The following KRT12 variants were observed in gnomAD, a reference collection of about 807,000 sequenced individuals.
The protein encoded by KRT12 is keratin 12, also known as keratin, type I cytoskeletal 12.
Under a neutral mutation model 50.2 loss-of-function variants are expected in KRT12, and 43 were observed. The observed-to-expected ratio is 0.86, with a 90% confidence interval of 0.67 to 1.11. The LOEUF (loss-of-function observed/expected upper bound fraction) is 1.11. Among genes scored for constraint, KRT12 ranks in the 50% least tolerant of loss-of-function variants. The pLI, the probability that KRT12 is intolerant of heterozygous loss-of-function variation, is 0.00. For synonymous variants in KRT12, 257 were observed against 253.6 expected (o/e 1.01, Z -0.13); for missense variants, 588 against 625.6 (o/e 0.94, Z 0.64).
rs370586525 is a variant in KRT12 at position 40,866,884 on chromosome 17, A to G, written c.303T>C (p.Phe101=). Residue 101 remains phenylalanine, a synonymous_variant, in exon 1 of 8, where the codon TTT becomes TTC. Transcript: ENST00000251643. ...GAGAGCCACCTCCTGGGCTGCCCCCAAATCCCATCCCCAGCCCTCCAAAGC... is the reference window on the plus strand; with the variant it reads ...GAGAGCCACCTCCTGGGCTGCCCCCGAATCCCATCCCCAGCCCTCCAAAGC... ...GGSFGGLGMG[F]GGSPGGGSLG... 5 of 1,613,910 alleles carry G rather than the reference A, an allele frequency of 3.1e-6. No homozygotes were observed. Among genetic ancestry groups the G allele is most frequent in the Non-Finnish European group, 4.2e-6 (5 of 1,179,992 alleles).
intron 1 of KRT12, 147 bp from the exon 2 acceptor site, chr17:40,866,384 C>T (rs1907023134): frequency 7.9e-6 from 6 of 756,100 alleles, no homozygotes; most frequent in South Asian, 7.7e-5. Flanking sequence ...AAGACAATAT[C>T]TGTATAAAAT....
Position 40,863,135 on chromosome 17 carries a change from C to T in KRT12, c.1304G>A (p.Gly435Glu). The T allele has an allele frequency of 1.9e-6, 3 of 1,614,060 alleles. No homozygotes were observed. Among genetic ancestry groups the T allele is most frequent in the South Asian group, 2.2e-5 (2 of 91,080 alleles). ...EIETYRRLLD[G>E]EAQGDGLEES... ...GTTGTCTGCTCACCCTTGGGCCTCCCCGTCCAGCAGGCGGCGGTAGGTCTC... is the reference window on the plus strand; with the variant it reads ...GTTGTCTGCTCACCCTTGGGCCTCCTCGTCCAGCAGGCGGCGGTAGGTCTC... Residue 435 changes from glycine (G) to glutamate (E), a missense_variant, in exon 6 of 8, where the codon GGG becomes GAG. Transcript: ENST00000251643. This position sits in a 1 kb window ranked among gnomAD's most constrained non-coding sequence, Gnocchi z 4.2.
In KRT12 at chr17:40,863,633, G is replaced by C. The variant is rs747289568; in HGVS notation, c.970-23C>G. On this transcript the variant is annotated intron_variant, in intron 4 of 7. Coordinates refer to ENST00000251643, the MANE Select transcript of KRT12 (RefSeq NM_000223.4). This position sits in a 1 kb window ranked among gnomAD's most constrained non-coding sequence, Gnocchi z 4.2. Reference sequence around the variant, plus strand: ...GCTCTGCAACAGCAAAGACAGCCAGGGGGCTCGAGCGCTGAGCTCGTTCGC... The same window carrying C: ...GCTCTGCAACAGCAAAGACAGCCAGCGGGCTCGAGCGCTGAGCTCGTTCGC... The C allele has an allele frequency of 3.1e-6, 5 of 1,614,212 alleles. No homozygotes were observed. The Middle Eastern group carries it at 4.9e-4, about 160-fold the overall frequency.
Position 40,861,469 on chromosome 17 carries a change from C to T in KRT12, c.*192G>A, listed in dbSNP as rs962759907. The stretch of plus-strand genomic sequence containing the variant: ...TGATTTGTTACAAAGACCAACATGA[C>T]CAAAATGACTTGTGACTGAATATTG... On this transcript the variant is annotated 3_prime_UTR_variant, in exon 8 of 8. Coordinates refer to ENST00000251643, the MANE Select transcript of KRT12 (RefSeq NM_000223.4). The T allele has an allele frequency of 3.6e-5, 22 of 607,682 alleles. No individual in the cohort carries two copies. The highest frequency in any genetic ancestry group is 1.1e-4 in the Admixed American group (4 of 36,846). The allele number at this position is 607,682 out of a possible 1,614,324, so 37.6% of individuals were successfully genotyped here.
At position 40,866,838 on chromosome 17, in the gene KRT12, C is replaced by T. The variant is rs757586930; in HGVS notation, c.349G>A (p.Asp117Asn). ...TCTGATCCAGAAAGAAGGCCTCCATCATTGCCCGAGAGAATACCTAGAGAG... is the reference window on the plus strand; with the variant it reads ...TCTGATCCAGAAAGAAGGCCTCCATTATTGCCCGAGAGAATACCTAGAGAG... ...GGSLGILSGN[D>N]GGLLSGSEKE... The change falls in exon 1 of 8, where the codon GAT becomes AAT. Residue 117 changes from aspartate (D) to asparagine (N), a missense_variant. Physicochemically the swap from Asp to Asn is conservative, Grantham distance 23. Transcript: ENST00000251643. 6.2e-7 allele frequency: 1 copy of T among 1,614,170 alleles called. No individual in the cohort carries two copies. The highest frequency in any genetic ancestry group is 8.5e-7 in the Non-Finnish European group (1 of 1,180,034).
rs1451011108 is a variant in KRT12 at position 40,866,921 on chromosome 17, A to G, written c.266T>C (p.Leu89Pro). The change falls in exon 1 of 8, where the codon CTG becomes CCG. Residue 89 changes from leucine to proline, a missense_variant. Leu to Pro is a moderately conservative substitution (Grantham distance 98). Transcript: ENST00000251643. ...CAGCCCTCCAAAGCTACCTCCACCCAGGGCTCTCCCATAACCAGCACCCAG... is the reference window on the plus strand; with the variant it reads ...CAGCCCTCCAAAGCTACCTCCACCCGGGGCTCTCCCATAACCAGCACCCAG... Reference protein sequence around the residue: ...GGLGAGYGRALGGGSFGGLGM... With the variant: ...GGLGAGYGRAPGGGSFGGLGM... 1 of 1,613,264 alleles carries G rather than the reference A, an allele frequency of 6.2e-7. No homozygotes were observed. Among genetic ancestry groups the G allele is most frequent in the African/African-American group, 1.3e-5 (1 of 74,840 alleles).
At chr17:40,865,473 C>T (rs772319409) in intron 2 of KRT12, among the ~76,000 whole-genome samples, 1 of 152,096 alleles carries the variant, frequency 6.6e-6, no homozygotes, top group Non-Finnish European at 1.5e-5. Flanking sequence ...TATTTCTTAC[C>T]TATATCTGGG....
rs1906860327 is a variant in KRT12, at chr17:40,863,089, CT to C, written c.1316+33del. 6 of 1,587,996 alleles carry C rather than the reference CT, an allele frequency of 3.8e-6. No individual in the cohort carries two copies. The highest frequency in any genetic ancestry group is 4.3e-6 in the Non-Finnish European group (5 of 1,156,388). ...TCTGCTGCCCACTCTTGGTCAGCCC[CT>C]GAAGGTGTTTACAGCCTCCGTTGTC... is the stretch of plus-strand genomic sequence containing the variant. On this transcript the variant is annotated intron_variant, in intron 6 of 7. Coordinates refer to ENST00000251643, the MANE Select transcript of KRT12 (RefSeq NM_000223.4). This position sits in a 1 kb window ranked among gnomAD's most constrained non-coding sequence, Gnocchi z 4.2.
At position 40,863,952 on chromosome 17, in the gene KRT12, C is replaced by CCACACACA. The variant is rs1456903133; in HGVS notation, c.808-89_808-88insTGTGTGTG. On this transcript the variant is annotated intron_variant, in intron 3 of 7. Coordinates refer to ENST00000251643, the MANE Select transcript of KRT12 (RefSeq NM_000223.4). The surrounding 1 kb of genome is among the most constrained non-coding windows in gnomAD (Gnocchi z 4.2). ...TACTTTTGTCCTCTTGGGCCCCTTC[C>CCACACACA]TACACACACACACACACACACACAC... 6 of 341,032 alleles carry CCACACACA rather than the reference C, an allele frequency of 1.8e-5. No homozygotes were observed. Among genetic ancestry groups the CCACACACA allele is most frequent in the South Asian group, 7.1e-5 (3 of 42,292 alleles). The allele number at this position is 341,032 out of a possible 1,614,324, so 21.1% of individuals were successfully genotyped here. A position where few individuals can be genotyped will look rare whatever the true frequency, so the allele number is the denominator to read the frequency against.
chr17:40,862,985 G>A, intron 6 of KRT12, 138 bp downstream of exon 6: 1 of 776,208 alleles, frequency 1.3e-6, no homozygotes, highest in Non-Finnish European at 2.2e-6. Flanking sequence ...AGAGCATTTA[G>A]TAAATCCCAG....
rs71155107 is a variant in KRT12 at position 40,863,953 on chromosome 17, TACACACACACACACACACAC to T, written c.808-109_808-90del. ...ACTTTTGTCCTCTTGGGCCCCTTCC[TACACACACACACACACACAC>T]ACACACACACACACACACTTAAAAA... On this transcript the variant is annotated intron_variant, in intron 3 of 7. Transcript: ENST00000251643. The surrounding 1 kb of genome is among the most constrained non-coding windows in gnomAD (Gnocchi z 4.2). 5.8e-6 allele frequency: 3 copies of T among 513,698 alleles called. No individual in the cohort carries two copies. Among genetic ancestry groups the T allele is most frequent in the African/African-American group, 4.3e-5 (2 of 46,374 alleles). 31.8% of individuals were successfully genotyped at this position (513,698 alleles called of 1,614,324 possible). A position where few individuals can be genotyped will look rare whatever the true frequency, so the allele number is the denominator to read the frequency against.
At position 40,861,539 on chromosome 17, in the gene KRT12, G is replaced by T. The variant is rs1597840370; in HGVS notation, c.*122C>A. 5.5e-6 allele frequency: 4 copies of T among 721,296 alleles called. No individual in the cohort carries two copies. In the Admixed American group the frequency reaches 6.2e-5, roughly 11 times the overall value. 44.7% of individuals were successfully genotyped at this position (721,296 alleles called of 1,614,324 possible). A position where few individuals can be genotyped will look rare whatever the true frequency, so the allele number is the denominator to read the frequency against. ...ATTCAATGTGAATAGGGAATCCAAA[G>T]AAAATGGAACAGACAAAAATAGGGA... On this transcript the variant is annotated 3_prime_UTR_variant, in exon 8 of 8. Transcript: ENST00000251643.
In KRT12 at chr17:40,866,836, A is replaced by G; in HGVS notation, c.351T>C (p.Asp117=). 6.2e-7 allele frequency: 1 copy of G among 1,614,154 alleles called. No individual in the cohort carries two copies. The highest frequency in any genetic ancestry group is 8.5e-7 in the Non-Finnish European group (1 of 1,180,018). The stretch of plus-strand genomic sequence containing the variant: ...TTTCTGATCCAGAAAGAAGGCCTCC[A>G]TCATTGCCCGAGAGAATACCTAGAG... ...GGSLGILSGN[D]GGLLSGSEKE... The change falls in exon 1 of 8, where the codon GAT becomes GAC. Residue 117 remains aspartate, a synonymous_variant. Transcript: ENST00000251643.
In KRT12 at chr17:40,864,881, C is replaced by T. The variant is rs1906959982; in HGVS notation, c.732G>A (p.Leu244=). ...TCTGCATCTCCAGGTCGGTCCTGGT[C>T]AGGGTCAGCTCGTCCAGCACCCGGC... ...GLRRVLDELT[L]TRTDLEMQIE... Residue 244 remains leucine (L), a synonymous_variant, in exon 3 of 8, where the codon CTG becomes CTA. Coordinates refer to ENST00000251643, the MANE Select transcript of KRT12 (RefSeq NM_000223.4). 1.2e-6 allele frequency: 2 copies of T among 1,614,122 alleles called. No homozygotes were observed. Among genetic ancestry groups the T allele is most frequent in the African/African-American group, 2.7e-5 (2 of 74,936 alleles).
intron 2 of KRT12, 55 bp from the exon 3 acceptor site, chr17:40,865,017 C>T (rs1906967898): frequency 1.9e-6 from 3 of 1,578,472 alleles, no homozygotes; most frequent in African/African-American, 1.3e-5. Context: ...TTGAACAAGG[C>T]CACTGATCTT....
chr17:40,865,116 T>C (rs1027412967), intron 2 of KRT12, among the ~76,000 whole-genome samples, 154 bp from the exon 3 acceptor site: 1 of 152,266 alleles, frequency 6.6e-6, no homozygotes, highest in Non-Finnish European at 1.5e-5. Context: ...GTGTTTTTCC[T>C]TTCCTTTTTT....
rs1006939410 is a variant in KRT12 at position 40,861,448 on chromosome 17, T to C, written c.*213A>G. 25 of 586,998 alleles carry C rather than the reference T, an allele frequency of 4.3e-5. No homozygotes were observed. Among genetic ancestry groups the C allele is most frequent in the Admixed American group, 3.0e-4 (10 of 33,726 alleles). 36.4% of individuals were successfully genotyped at this position (586,998 alleles called of 1,614,324 possible). ...CAGAAGGATATAAGGTAATTTTGATTTGTTACAAAGACCAACATGACCAAA... is the reference window on the plus strand; with the variant it reads ...CAGAAGGATATAAGGTAATTTTGATCTGTTACAAAGACCAACATGACCAAA... On this transcript the variant is annotated 3_prime_UTR_variant, in exon 8 of 8. Transcript: ENST00000251643.
At chr17:40,864,102 T>G (rs1204463098) in intron 3 of KRT12, among the ~76,000 whole-genome samples, 1 of 152,160 alleles carries the variant, frequency 6.6e-6, no homozygotes, top group African/African-American at 2.4e-5. Context: ...TACAAGAACT[T>G]AAGACATATT....
At chr17:40,865,946 C>T (rs1907001861) in intron 2 of KRT12, among the ~76,000 whole-genome samples, 1 of 152,138 alleles carries the variant, frequency 6.6e-6, no homozygotes, top group African/African-American at 2.4e-5. Context: ...TGATCCATAG[C>T]CCTGGGTTTA....
Sources: gnomAD v4.1 joint callset for allele counts (sites outside exome capture counted in the v4.1 genomes callset) on GRCh38, gnomAD v4.1.1 for gene constraint, Gnocchi (gnomAD v3.1) non-coding constraint, MANE v1.5 for transcripts, NCBI Gene and HGNC (gene_info 2026-07-23, HGNC 2026-07-21) for gene names.